Variants in PTGER3 observed in about 807,000 individuals in gnomAD.
PTGER3 encodes prostaglandin E2 receptor EP3 subtype.
Under a neutral mutation model 34.7 loss-of-function variants are expected in PTGER3, and 22 were observed. The ratio of observed to expected loss-of-function variants is 0.63; its 90% CI spans 0.45 to 0.91. The LOEUF is 0.91. Among genes scored for constraint, PTGER3 ranks in the 40% least tolerant of loss-of-function variants. The pLI is 0.00. For missense variants in PTGER3, 468 were observed against 519.4 expected (o/e 0.90, Z 0.96); for synonymous variants, 241 against 230.1 (o/e 1.05, Z -0.43).
chr1:70,956,531 G>C (rs535854305), intron 2 of PTGER3, among the ~76,000 whole-genome samples: 1 of 152,184 alleles, frequency 6.6e-6, no homozygotes, highest in South Asian at 2.1e-4. Flanking sequence ...CTGGCACAAC[G>C]TAAAGGTCAG....
At chr1:71,004,144 T>G (rs1326664315) in intron 2 of PTGER3, among the ~76,000 whole-genome samples, 4 of 152,220 alleles carry the variant, frequency 2.6e-5, no homozygotes, top group Non-Finnish European at 5.9e-5. Flanking sequence ...GCCTTCTTTT[T>G]AAAAATTGCA....
chr1:71,047,405 A>G lies in PTGER3; in HGVS notation c.173T>C (p.Met58Thr). ...GSVSVAFPIT[M>T]LLTGFVGNAL... ...GTTGCCCACGAAACCAGTGAGCAGC[A>G]TGGTGATCGGGAAGGCCACGGACAC... Residue 58 changes from methionine (M) to threonine (T), a missense_variant, in exon 1 of 4, where the codon ATG (methionine) becomes ACG (threonine). Physicochemically the swap from Met to Thr is moderately conservative, Grantham distance 81. Transcript: ENST00000306666. 1 of 1,611,850 alleles carries G rather than the reference A, an allele frequency of 6.2e-7. No individual in the cohort carries two copies. Among genetic ancestry groups the G allele is most frequent in the Non-Finnish European group, 8.5e-7 (1 of 1,179,696 alleles).
intron 2 of PTGER3, among the ~76,000 whole-genome samples, chr1:70,954,256 G>A (rs1362138278): frequency 3.3e-5 from 5 of 152,128 alleles, no homozygotes; most frequent in African/African-American, 4.8e-5. Context: ...CTGGCCAAGA[G>A]GATCCATCTA....
At position 70,954,961 on chromosome 1, in the gene PTGER3, A is replaced by G. The variant is rs576779432; in HGVS notation, c.1078-1172T>C. On this transcript the variant is annotated intron_variant, in intron 2 of 3. Coordinates refer to the PTGER3 transcript ENST00000356595. ...TTTCAGAGAATTTTAATCTCTACCTATATGAAAAAAGAGAGAAGCGAATAG... is the reference window on the plus strand; with the variant it reads ...TTTCAGAGAATTTTAATCTCTACCTGTATGAAAAAAGAGAGAAGCGAATAG... Among the ~76,000 whole-genome samples the G allele has an allele frequency of 1.9e-3, 285 of 152,282 alleles. 1 individual carries two copies. The highest frequency in any genetic ancestry group is 6.7e-3 in the African/African-American group (278 of 41,554).
intron 4 of PTGER3, among the ~76,000 whole-genome samples, chr1:70,944,929 T>C (rs1650084352): frequency 6.6e-6 from 1 of 152,120 alleles, no homozygotes; most frequent in African/African-American, 2.4e-5. Flanking sequence ...ATTTTCCCTC[T>C]TCATTGTAGT....
At chr1:70,983,748 G>T (rs1654624054) in intron 2 of PTGER3, among the ~76,000 whole-genome samples, 1 of 143,480 alleles carries the variant, frequency 7.0e-6, no homozygotes, top group Non-Finnish European at 1.5e-5. Context: ...GCAAAAGGAA[G>T]AACAATTATT....
chr1:71,041,328 T>C (rs565202855), intron 1 of PTGER3, among the ~76,000 whole-genome samples: 82 of 152,310 alleles, frequency 5.4e-4, no homozygotes, highest in African/African-American at 1.9e-3. Flanking sequence ...TACCTTGTGT[T>C]TGCGTGGCTG....
intron 4 of PTGER3, among the ~76,000 whole-genome samples, chr1:70,876,690 A>G (rs1481767243): frequency 6.6e-6 from 1 of 152,134 alleles, no homozygotes; most frequent in Non-Finnish European, 1.5e-5. Flanking sequence ...AAGTTATCCC[A>G]GCACCATTTA....
intron 2 of PTGER3, among the ~76,000 whole-genome samples, chr1:70,998,008 C>G (rs1656136171): frequency 6.6e-6 from 1 of 152,220 alleles, no homozygotes; most frequent in Admixed American, 6.5e-5. Flanking sequence ...AGCCCTGCCA[C>G]CTTAGGGCAC....
intron 2 of PTGER3, among the ~76,000 whole-genome samples, chr1:70,958,588 A>G (rs1651597814): frequency 6.6e-6 from 1 of 152,174 alleles, no homozygotes; most frequent in Admixed American, 6.6e-5. Context: ...ACTTATTATC[A>G]GATGCATAGT....
At chr1:70,936,862 A>C (rs1649279684) in intron 4 of PTGER3, among the ~76,000 whole-genome samples, 1 of 152,226 alleles carries the variant, frequency 6.6e-6, no homozygotes, top group South Asian at 2.1e-4. Context: ...CATTCTTTTG[A>C]GTTTTTTTCA....
chr1:70,923,594 A>G (rs2100455177), intron 4 of PTGER3, among the ~76,000 whole-genome samples: 1 of 152,346 alleles, frequency 6.6e-6, no homozygotes, highest in South Asian at 2.1e-4. Flanking sequence ...TATTAAACAG[A>G]AGTTAACTGC....
Position 70,917,403 on chromosome 1 carries a change from T to TTGTGTGTGTGTGTGTGTGTGTG in PTGER3, c.*23+36338_*23+36359dup, listed in dbSNP as rs59163586. 1.1e-3 allele frequency among the ~76,000 whole-genome samples: 148 copies of TTGTGTGTGTGTGTGTGTGTGTG among 136,378 alleles called. 1 individual carries two copies. The highest frequency in any genetic ancestry group is 2.5e-3 in the East Asian group (11 of 4,342). 89.5% of individuals were successfully genotyped at this position (136,378 alleles called of 152,430 possible). On this transcript the variant is annotated intron_variant, in intron 4 of 4. Transcript: ENST00000370931. ...TTTTATGGCTAAATAGTATTTTATT[T>TTGTGTGTGTGTGTGTGTGTGTG]TGTGTGTGTGTGTGTGTGTGTGTGT... is the stretch of plus-strand genomic sequence containing the variant.
Position 70,885,283 on chromosome 1 carries a change from A to G in PTGER3, c.*24-32424T>C, listed in dbSNP as rs185744122. ...TCTAACATCATTACTCACTCCATCCATAAAAAATGTGTTATACTCCATCAA... is the reference window on the plus strand; with the variant it reads ...TCTAACATCATTACTCACTCCATCCGTAAAAAATGTGTTATACTCCATCAA... On this transcript the variant is annotated intron_variant, in intron 4 of 4. Transcript: ENST00000370931. Among the ~76,000 whole-genome samples the G allele has an allele frequency of 2.4e-4, 37 of 152,228 alleles. No individual in the cohort carries two copies. The East Asian group carries it at 7.1e-3, about 29-fold the overall frequency.
chr1:71,047,555 C>T lies in PTGER3; in HGVS notation c.23G>A (p.Gly8Glu), dbSNP rs755042142. Residue 8 changes from glycine to glutamate, a missense_variant, in exon 1 of 4, where the codon GGA (glycine) becomes GAA (glutamate). Around this residue, in one of 5 missense-constraint regions of PTGER3, gnomAD observed 151 missense variants for 133.5 expected, o/e 1.13. Coordinates refer to ENST00000306666, the MANE Select transcript of PTGER3 (RefSeq NM_198719.2). Reference protein sequence around the residue: MKETRGYGGDAPFCTRLN... With the variant: MKETRGYEGDAPFCTRLN... The stretch of plus-strand genomic sequence containing the variant: ...GCGGGTGCAGAAGGGGGCATCCCCT[C>T]CGTAGCCCCGGGTCTCCTTCATGTT... 7 of 1,559,912 alleles carry T rather than the reference C, an allele frequency of 4.5e-6. No individual in the cohort carries two copies. The highest frequency in any genetic ancestry group is 5.2e-6 in the Non-Finnish European group (6 of 1,149,376).
rs183755567 is a variant in PTGER3 at position 71,008,491 on chromosome 1, A to G, written c.1077+3814T>C. Reference sequence around the variant, plus strand: ...TATTTTCCCTAATTCTTTTATCATCATCACCACCTAGTTAGTTTCCTTACA... The same window carrying G: ...TATTTTCCCTAATTCTTTTATCATCGTCACCACCTAGTTAGTTTCCTTACA... On this transcript the variant is annotated intron_variant, in intron 2 of 3. Transcript: ENST00000306666. 426 of 919,964 alleles carry G rather than the reference A, an allele frequency of 4.6e-4. 4 individuals carry two copies. The African/African-American group carries it at 7.1e-3, about 15-fold the overall frequency. 57.0% of individuals were successfully genotyped at this position (919,964 alleles called of 1,614,324 possible).
intron 4 of PTGER3, among the ~76,000 whole-genome samples, chr1:70,895,278 A>G (rs897157257): frequency 3.3e-5 from 5 of 152,230 alleles, no homozygotes; most frequent in African/African-American, 7.2e-5. Context: ...CTGGACATTT[A>G]TAAGGCAAAG....
chr1:70,953,788 A>G lies in PTGER3; in HGVS notation c.1079T>C (p.Met360Thr), dbSNP rs983597645. 3.4e-5 allele frequency: 48 copies of G among 1,394,998 alleles called. No homozygotes were observed. Among genetic ancestry groups the G allele is most frequent in the Non-Finnish European group, 4.4e-5 (46 of 1,036,634 alleles). The allele number at this position is 1,394,998 out of a possible 1,614,324, so 86.4% of individuals were successfully genotyped here. A position where few individuals can be genotyped will look rare whatever the true frequency, so the allele number is the denominator to read the frequency against. The change falls in exon 3 of 4, where the codon ATG (methionine) becomes ACG (threonine). Residue 360 changes from methionine to threonine, a missense_variant and splice_region_variant. By Grantham distance (81) the Met-to-Thr change is moderately conservative. Transcript: ENST00000356595. ...TTGCTCTCTGAGTCTTCTTTTTCTC[A>G]TCTGAAAAAGAGTAATAACAGTATA... is the stretch of plus-strand genomic sequence containing the variant.
At chr1:70,890,728 A>G (rs531497002) in intron 4 of PTGER3, among the ~76,000 whole-genome samples, 290 of 152,290 alleles carry the variant, frequency 1.9e-3, no homozygotes, top group Non-Finnish European at 3.1e-3. Context: ...TCATGGTGCT[A>G]TAAGGGAAAT....
Sources: gnomAD v4.1 joint callset for allele counts (sites outside exome capture counted in the v4.1 genomes callset) on GRCh38, gnomAD v4.1.1 for gene constraint, gnomAD v4.1.1 regional missense constraint, MANE v1.5 for transcripts, NCBI Gene and HGNC (gene_info 2026-07-23, HGNC 2026-07-21) for gene names.